RAP1A: variants seen among roughly 807,000 people sequenced by gnomAD.
RAP1A encodes RAP1A, member of RAS oncogene family.
Under a neutral mutation model 26.4 loss-of-function variants are expected in RAP1A, and 6 were observed. That is an observed-to-expected ratio of 0.23 (90% CI 0.12 to 0.45). The LOEUF is 0.45. Among genes scored for constraint, RAP1A ranks in the 20% least tolerant of loss-of-function variants. RAP1A has a pLI of 0.99. For synonymous variants in RAP1A, 73 were observed against 79.4 expected, an observed-to-expected ratio of 0.92 and a Z score of 0.43; for missense variants, 121 against 217.2, an observed-to-expected ratio of 0.56 and a Z score of 2.78.
chr1:111,604,107 C>T (rs745348707), intron 1 of RAP1A, among the ~76,000 whole-genome samples: 4 of 152,142 alleles, frequency 2.6e-5, no homozygotes, highest in East Asian at 1.9e-4. Context: ...AACGTGAATG[C>T]GGAGGAAGTG....
At chr1:111,705,923 C>A (rs554443988) in intron 6 of RAP1A, among the ~76,000 whole-genome samples, 1 of 152,122 alleles carries the variant, frequency 6.6e-6, no homozygotes, top group Non-Finnish European at 1.5e-5. Flanking sequence ...CTCCAGGCTC[C>A]GGTGGGGCTG....
chr1:111,703,408 G>A lies in RAP1A; in HGVS notation c.256G>A (p.Ala86Thr). 1 of 1,606,008 alleles carries A rather than the reference G, an allele frequency of 6.2e-7. No homozygotes were observed. The highest frequency in any genetic ancestry group is 8.5e-7 in the Non-Finnish European group (1 of 1,174,128). ...TTTTGCACTAGTATATTCTATTACA[G>A]CTCAGTCCACGTTTAACGACTTACA... ...QGFALVYSIT[A>T]QSTFNDLQDL... is the part of the protein sequence containing the mutation. Residue 86 changes from alanine (A) to threonine (T), a missense_variant, in exon 5 of 8, where the codon GCT becomes ACT. Coordinates refer to ENST00000369709, the MANE Select transcript of RAP1A (RefSeq NM_002884.4).
At chr1:111,602,134 C>T (rs780099306) in intron 1 of RAP1A, 5 of 152,230 alleles carry the variant, frequency 3.3e-5, no homozygotes, top group African/African-American at 7.2e-5. Context: ...GGCATCCTGA[C>T]CCTTTCTGTC....
At chr1:111,640,248 T>C (rs1659852289) in intron 1 of RAP1A, among the ~76,000 whole-genome samples, 1 of 152,250 alleles carries the variant, frequency 6.6e-6, no homozygotes, top group South Asian at 2.1e-4. Flanking sequence ...GTTTAACTTA[T>C]TTTTAGGACA....
At chr1:111,631,141 A>G (rs1355519491) in intron 1 of RAP1A, among the ~76,000 whole-genome samples, 1 of 152,190 alleles carries the variant, frequency 6.6e-6, no homozygotes, top group African/African-American at 2.4e-5. Context: ...ATTATCATAC[A>G]TTGTAGCGAT....
chr1:111,646,524 G>C (rs1660072857), intron 1 of RAP1A, among the ~76,000 whole-genome samples: 1 of 151,630 alleles, frequency 6.6e-6, no homozygotes, highest in African/African-American at 2.4e-5. Flanking sequence ...GCATCCATTG[G>C]AGTAGAACAT....
chr1:111,574,763 A>G (rs986957096), intron 1 of RAP1A, among the ~76,000 whole-genome samples: 3 of 152,244 alleles, frequency 2.0e-5, no homozygotes, highest in Non-Finnish European at 4.4e-5. Flanking sequence ...GTTGGAACTG[A>G]CCTGAAACAA....
upstream of RAP1A, chr1:111,619,636 C>T: frequency 2.6e-6 from 1 of 390,270 alleles, no homozygotes; most frequent in Non-Finnish European, 4.5e-6. Flanking sequence ...CCAGGCTTTC[C>T]CGGCTCCAGT....
At chr1:111,544,027 A>G (rs1260872785) in intron 1 of RAP1A, among the ~76,000 whole-genome samples, 1 of 152,218 alleles carries the variant, frequency 6.6e-6, no homozygotes, top group Non-Finnish European at 1.5e-5. Flanking sequence ...TGGAAGTCAT[A>G]GTTTCCAATC....
intron 1 of RAP1A, among the ~76,000 whole-genome samples, chr1:111,632,057 G>A (rs535979): frequency 0.88 from 133,662 of 152,160 alleles, 59,061 homozygotes; most frequent in African/African-American, 0.96. Context: ...TATGTAGCCA[G>A]TGTTAGTTGT....
At chr1:111,641,188 A>C (rs1183406281) in intron 1 of RAP1A, among the ~76,000 whole-genome samples, 1 of 152,194 alleles carries the variant, frequency 6.6e-6, no homozygotes, top group Non-Finnish European at 1.5e-5. Flanking sequence ...TTTGTTTTTA[A>C]GTCTTCAGGT....
At chr1:111,553,369 G>A (rs1372342474) in intron 1 of RAP1A, among the ~76,000 whole-genome samples, 2 of 152,206 alleles carry the variant, frequency 1.3e-5, no homozygotes, top group East Asian at 3.8e-4. Flanking sequence ...GAGGAGCATG[G>A]GGAATGGATA....
chr1:111,545,957 C>T (rs186811570), intron 1 of RAP1A, among the ~76,000 whole-genome samples: 10 of 152,234 alleles, frequency 6.6e-5, no homozygotes, highest in African/African-American at 1.9e-4. Flanking sequence ...TCTGAACTTT[C>T]GGTTTAATTC....
intron 2 of RAP1A, among the ~76,000 whole-genome samples, chr1:111,692,103 A>G (rs1025939445): frequency 3.9e-5 from 6 of 152,190 alleles, no homozygotes; most frequent in African/African-American, 1.4e-4. Context: ...TTAAGAAAAG[A>G]GAAGTAAATG....
chr1:111,602,926 G>T (rs1487501494), intron 1 of RAP1A, among the ~76,000 whole-genome samples: 1 of 152,162 alleles, frequency 6.6e-6, no homozygotes, highest in East Asian at 1.9e-4. Context: ...TCATTATCAA[G>T]GGAGGACATA....
chr1:111,578,597 A>G (rs1658190689), intron 1 of RAP1A, among the ~76,000 whole-genome samples: 1 of 151,086 alleles, frequency 6.6e-6, no homozygotes, highest in Admixed American at 6.6e-5. Flanking sequence ...GTGTAAAAGG[A>G]AAAAAAAAGG....
At chr1:111,621,797 T>C (rs376868831) in intron 1 of RAP1A, among the ~76,000 whole-genome samples, 4 of 152,194 alleles carry the variant, frequency 2.6e-5, no homozygotes, top group East Asian at 3.8e-4. Context: ...AACCATGAAC[T>C]TATGTCTTAG....
At chr1:111,622,197 G>A (rs1408189660) in intron 1 of RAP1A, among the ~76,000 whole-genome samples, 1 of 152,104 alleles carries the variant, frequency 6.6e-6, no homozygotes, top group African/African-American at 2.4e-5. Context: ...CCACACAGCA[G>A]CTACAATGAT....
intron 1 of RAP1A, among the ~76,000 whole-genome samples, chr1:111,564,335 G>A (rs912151905): frequency 5.9e-5 from 9 of 152,042 alleles, no homozygotes; most frequent in Admixed American, 5.9e-4. Context: ...GCACCTGTTA[G>A]GTGCCAGAAA....
Sources: allele counts gnomAD v4.1 joint callset (sites outside exome capture counted in the v4.1 genomes callset), GRCh38; gene constraint gnomAD v4.1.1; transcripts MANE v1.5; gene names NCBI Gene and HGNC (gene_info 2026-07-23, HGNC 2026-07-21).